RERE: variants seen among roughly 807,000 people sequenced by gnomAD.
RERE encodes arginine-glutamic acid dipeptide repeats protein.
In RERE, 40 loss-of-function variants were observed where a neutral mutation model predicts 146.1. The ratio of observed to expected loss-of-function variants is 0.27; its 90% confidence interval spans 0.21 to 0.36. RERE has a LOEUF of 0.36. Among genes scored for constraint, RERE ranks in the 10% least tolerant of loss-of-function variants. The pLI is 1.00. For synonymous variants in RERE, 1,003 were observed against 866.0 expected (o/e 1.16, Z -2.78); for missense variants, 1,933 against 2,138.7 (o/e 0.90, Z 1.90).
chr1:8,418,344 C>T (rs773017120), intron 12 of RERE, among the ~76,000 whole-genome samples: 3 of 152,150 alleles, frequency 2.0e-5, no homozygotes, highest in African/African-American at 4.8e-5. Flanking sequence ...AAGAAAGAGA[C>T]GAGAAAGACA....
intron 4 of RERE, among the ~76,000 whole-genome samples, chr1:8,612,595 C>CA (rs1646805345): frequency 6.6e-6 from 1 of 151,938 alleles, no homozygotes; most frequent in Non-Finnish European, 1.5e-5. Context: ...AAAAAGTTTA[C>CA]AAAAAAATTA....
intron 19 of RERE, among the ~76,000 whole-genome samples, chr1:8,359,529 G>C (rs1570028035): frequency 6.6e-6 from 1 of 152,206 alleles, no homozygotes; most frequent in African/African-American, 2.4e-5. Context: ...TCCGGTAGGA[G>C]GACGCACAGT....
At chr1:8,502,299 C>A (rs1645179350) in intron 8 of RERE, among the ~76,000 whole-genome samples, 1 of 116,072 alleles carries the variant, frequency 8.6e-6, no homozygotes, top group African/African-American at 3.5e-5. Flanking sequence ...AGTGAGGAGC[C>A]CCTCTGCCTG....
At chr1:8,524,672 A>C (rs1332307674) in intron 7 of RERE, among the ~76,000 whole-genome samples, 1 of 152,254 alleles carries the variant, frequency 6.6e-6, no homozygotes, top group East Asian at 1.9e-4. Flanking sequence ...AGCAAACAGT[A>C]TAATTCAAAA....
chr1:8,489,132 C>T (rs908941530), intron 10 of RERE, among the ~76,000 whole-genome samples: 2 of 151,836 alleles, frequency 1.3e-5, no homozygotes, highest in Admixed American at 1.3e-4. Context: ...TCACTTGAGG[C>T]CAGGCATTCT....
At chr1:8,384,348 G>A (rs1642567320) in intron 12 of RERE, among the ~76,000 whole-genome samples, 1 of 152,144 alleles carries the variant, frequency 6.6e-6, no homozygotes, top group African/African-American at 2.4e-5. Context: ...CCCCTCTGTA[G>A]GGGTAAAGAG....
intron 1 of RERE, among the ~76,000 whole-genome samples, chr1:8,734,027 G>C (rs1640144564): frequency 7.0e-6 from 1 of 142,444 alleles, no homozygotes. Context: ...AGAATTGCTT[G>C]AACCCAGAGG....
intron 4 of RERE, among the ~76,000 whole-genome samples, chr1:8,583,460 A>G (rs1168793551): frequency 6.6e-6 from 1 of 152,232 alleles, no homozygotes; most frequent in Non-Finnish European, 1.5e-5. Context: ...CCAGGCAATG[A>G]GGAAGGCCAA....
In RERE at chr1:8,810,721, G is replaced by T. The variant is rs547467940; in HGVS notation, c.-145+6439C>A. The stretch of plus-strand genomic sequence containing the variant: ...ATGAGTATCTCATGAGAAAGAAACA[G>T]GTATTCTTTGGGGTAAGGGAGGAAA... On this transcript the variant is annotated intron_variant, in intron 1 of 22. Coordinates refer to ENST00000400908, the MANE Select transcript of RERE (RefSeq NM_001042681.2). Among the ~76,000 whole-genome samples, 25 of 152,278 alleles carry T rather than the reference G, an allele frequency of 1.6e-4. No individual in the cohort carries two copies. The South Asian group carries it at 5.2e-3, about 32-fold the overall frequency.
chr1:8,761,961 T>A (rs751156995), intron 1 of RERE, among the ~76,000 whole-genome samples: 1 of 152,058 alleles, frequency 6.6e-6, no homozygotes, highest in Non-Finnish European at 1.5e-5. Context: ...TAGATTCTCA[T>A]TACTTTCCAC....
At chr1:8,709,206 C>G (rs1639618859) in intron 1 of RERE, among the ~76,000 whole-genome samples, 1 of 151,918 alleles carries the variant, frequency 6.6e-6, no homozygotes, top group Non-Finnish European at 1.5e-5. Flanking sequence ...AGGCGTGAGC[C>G]ACCGTGCCCG....
intron 2 of RERE, among the ~76,000 whole-genome samples, chr1:8,643,540 C>T (rs1164152478): frequency 6.6e-6 from 1 of 152,222 alleles, no homozygotes; most frequent in Non-Finnish European, 1.5e-5. Flanking sequence ...CTATGCAACT[C>T]TGAAATCAGA....
chr1:8,446,067 CA>C (rs1015137928), intron 11 of RERE, among the ~76,000 whole-genome samples: 12 of 152,198 alleles, frequency 7.9e-5, no homozygotes, highest in Non-Finnish European at 1.3e-4. Context: ...CTAGTGGTGA[CA>C]AAATCTCTCA....
chr1:8,389,163 A>G (rs770500633), intron 12 of RERE, among the ~76,000 whole-genome samples: 17 of 152,352 alleles, frequency 1.1e-4, no homozygotes, highest in Admixed American at 2.0e-4. Context: ...GTCTAAAATA[A>G]GCAGAGCTGT....
intron 1 of RERE, among the ~76,000 whole-genome samples, chr1:8,693,534 A>C (rs1639254646): frequency 6.6e-6 from 1 of 152,238 alleles, no homozygotes; most frequent in East Asian, 1.9e-4. Flanking sequence ...TGACATCTGG[A>C]AAGCAAACCT....
intron 1 of RERE, among the ~76,000 whole-genome samples, chr1:8,661,546 G>A (rs1638457800): frequency 6.6e-6 from 1 of 152,210 alleles, no homozygotes; most frequent in Admixed American, 6.5e-5. Context: ...ACCCCGGGAA[G>A]ACAAGCAGCA....
chr1:8,446,655 A>G (rs2124039613), intron 11 of RERE, among the ~76,000 whole-genome samples: 1 of 152,026 alleles, frequency 6.6e-6, no homozygotes, highest in Admixed American at 6.6e-5. Context: ...ATAGTCCCAT[A>G]TTTCTTGGAG....
At chr1:8,577,216 G>GT (rs1646307429) in intron 4 of RERE, among the ~76,000 whole-genome samples, 1 of 147,530 alleles carries the variant, frequency 6.8e-6, no homozygotes, top group Non-Finnish European at 1.5e-5. Flanking sequence ...GAATTTTTTT[G>GT]TTTTTTTAAA....
At chr1:8,592,128 A>G (rs892840270) in intron 4 of RERE, among the ~76,000 whole-genome samples, 1 of 152,234 alleles carries the variant, frequency 6.6e-6, no homozygotes, top group African/African-American at 2.4e-5. Context: ...AACTGAAAAC[A>G]TCAACAATTT....
Sources: gnomAD v4.1 joint callset for allele counts (sites outside exome capture counted in the v4.1 genomes callset) on GRCh38, gnomAD v4.1.1 for gene constraint, MANE v1.5 for transcripts, NCBI Gene and HGNC (gene_info 2026-07-23, HGNC 2026-07-21) for gene names.